The following INTU variants were observed in gnomAD, a reference collection of about 807,000 sequenced individuals.
INTU encodes protein inturned.
INTU carries 68 observed loss-of-function variants against 100.5 expected under a neutral mutation model. That is an observed-to-expected ratio of 0.68 (90% CI 0.56 to 0.83). The LOEUF (loss-of-function observed/expected upper bound fraction) is 0.83. INTU is among the 40% of genes least tolerant of loss of function. The probability of loss-of-function intolerance (pLI) is 0.00; values close to 1 mark genes in which losing one functional copy is unlikely to be tolerated. For missense variants in INTU, 1,071 were observed against 1,114.7 expected, an observed-to-expected ratio of 0.96 and a Z score of 0.56; for synonymous variants, 357 against 395.7, an observed-to-expected ratio of 0.90 and a Z score of 1.16.
intron 6 of INTU, chr4:127,675,889 C>A (rs781048785): frequency 6.5e-6 from 2 of 306,904 alleles, no homozygotes; most frequent in South Asian, 2.7e-5. Context: ...CTAATTTCCA[C>A]CATTCTGTTT....
intron 6 of INTU, among the ~76,000 whole-genome samples, chr4:127,682,002 A>G (rs947229796): frequency 2.0e-5 from 3 of 151,152 alleles, no homozygotes; most frequent in African/African-American, 7.4e-5. Context: ...CACATGAAAA[A>G]ATGCTCATCA....
chr4:127,704,389 T>A, intron 10 of INTU, 99 bp downstream of exon 10: 1 of 911,676 alleles, frequency 1.1e-6, no homozygotes, highest in South Asian at 1.6e-5. Context: ...ATCTCTTTTC[T>A]TTCAAATGTA....
In INTU at chr4:127,706,786, T is replaced by A; in HGVS notation, c.2088T>A (p.Leu696=). The part of the protein sequence containing the change: ...VATSPTCRRT[L]FGDYSLKTRK... ...CTTCTCCAACATGCAGAAGAACGCT[T>A]TTTGGTGACTATTCCTTAAAGACAC... is the stretch of plus-strand genomic sequence containing the variant. The change falls in exon 12 of 16, where the codon CTT becomes CTA. Residue 696 remains leucine, a synonymous_variant. Transcript: ENST00000335251. 1 of 1,614,108 alleles carries A rather than the reference T, an allele frequency of 6.2e-7. No individual in the cohort carries two copies. The highest frequency in any genetic ancestry group is 1.7e-4 in the Middle Eastern group (1 of 6,060).
chr4:127,668,509 T>G (rs1006416862), intron 4 of INTU, among the ~76,000 whole-genome samples: 2 of 151,858 alleles, frequency 1.3e-5, no homozygotes, highest in African/African-American at 4.8e-5. Flanking sequence ...TAGTTCTGTA[T>G]TCTCACTTTG....
At chr4:127,688,583 G>A (rs1729942927) in intron 8 of INTU, among the ~76,000 whole-genome samples, 1 of 152,132 alleles carries the variant, frequency 6.6e-6, no homozygotes, top group African/African-American at 2.4e-5. Context: ...CCTAATTCAA[G>A]TTCCTACTCT....
At chr4:127,658,575 C>A (rs1225256732) in intron 3 of INTU, among the ~76,000 whole-genome samples, 1 of 152,148 alleles carries the variant, frequency 6.6e-6, no homozygotes, top group Non-Finnish European at 1.5e-5. Context: ...AGTGAGGGAT[C>A]CCCTTTTCTT....
chr4:127,687,042 C>A (rs1578603226), intron 7 of INTU: 1 of 152,048 alleles, frequency 6.6e-6, no homozygotes, highest in Admixed American at 6.6e-5. Flanking sequence ...TAATGTTATA[C>A]CTTCAGTAGT....
chr4:127,714,639 T>G (rs1731202500), intron 15 of INTU, among the ~76,000 whole-genome samples: 1 of 152,220 alleles, frequency 6.6e-6, no homozygotes, highest in Admixed American at 6.5e-5. Flanking sequence ...GGTCATCTTG[T>G]CAGAGACGAT....
At chr4:127,695,422 A>T (rs1036737539) in intron 8 of INTU, among the ~76,000 whole-genome samples, 4 of 152,128 alleles carry the variant, frequency 2.6e-5, no homozygotes, top group African/African-American at 9.7e-5. Context: ...CCTGGCCAAC[A>T]TTGTGAAACC....
intron 8 of INTU, among the ~76,000 whole-genome samples, chr4:127,697,435 C>T (rs1730442133): frequency 6.6e-6 from 1 of 151,982 alleles, no homozygotes. Flanking sequence ...TATCCTTTGA[C>T]CAACATTTCC....
In INTU at chr4:127,663,598, A is replaced by G. The variant is rs559230860; in HGVS notation, c.972+14A>G. The stretch of plus-strand genomic sequence containing the variant: ...TCAAAGGAAGAGGTGAGTGTCCTCA[A>G]AAGTCCAAAGGAAATAAGTTTAGTC... On this transcript the variant is annotated intron_variant, in intron 4 of 15. Coordinates refer to ENST00000335251, the MANE Select transcript of INTU (RefSeq NM_015693.4). 1.0e-5 allele frequency: 16 copies of G among 1,607,792 alleles called. No individual in the cohort carries two copies. Among genetic ancestry groups the G allele is most frequent in the Non-Finnish European group, 1.2e-5 (14 of 1,175,496 alleles).
At chr4:127,673,191 T>C (rs76085972) in intron 5 of INTU, among the ~76,000 whole-genome samples, 2,661 of 152,194 alleles carry the variant, frequency 0.017, 69 homozygotes, top group African/African-American at 0.06. Context: ...TTTTGTTTTG[T>C]TTTTGAGACA....
intron 8 of INTU, among the ~76,000 whole-genome samples, chr4:127,689,038 A>C (rs1235841768): frequency 6.3e-5 from 8 of 127,798 alleles, no homozygotes; most frequent in Non-Finnish European, 9.3e-5. Flanking sequence ...GTGGGAGTGC[A>C]GTGGCATGAT....
In INTU at chr4:127,691,962, G is replaced by GTGTATATATA; in HGVS notation, c.1449+4096_1449+4097insGTATATATAT. Among the ~76,000 whole-genome samples the GTGTATATATA allele has an allele frequency of 1.8e-3, 176 of 98,238 alleles. 26 individuals are homozygous for GTGTATATATA. The highest frequency in any genetic ancestry group is 0.01 in the South Asian group (25 of 2,482). The allele number at this position is 98,238 out of a possible 152,430, so 64.4% of individuals were successfully genotyped here. A position where few individuals can be genotyped will look rare whatever the true frequency, so the allele number is the denominator to read the frequency against. On this transcript the variant is annotated intron_variant, in intron 8 of 15. Transcript: ENST00000335251. ...GGCGGAGTATAGTGTTCCATGGTAT[G>GTGTATATATA]TATATATATATATATATATGTCACA...
chr4:127,656,213 G>A (rs1201013154), intron 2 of INTU, among the ~76,000 whole-genome samples: 1 of 152,098 alleles, frequency 6.6e-6, no homozygotes, highest in Non-Finnish European at 1.5e-5. Context: ...GCTGTAGACG[G>A]GAGCTGTTCC....
chr4:127,639,565 T>C (rs1021884063), intron 1 of INTU, among the ~76,000 whole-genome samples: 3 of 152,112 alleles, frequency 2.0e-5, no homozygotes, highest in African/African-American at 7.2e-5. Context: ...GAAGAACTAG[T>C]TTGGGACAAC....
At chr4:127,659,208 A>G (rs2126196158) in intron 3 of INTU, among the ~76,000 whole-genome samples, 1 of 152,132 alleles carries the variant, frequency 6.6e-6, no homozygotes, top group East Asian at 1.9e-4. Context: ...GTACCTGTCC[A>G]TGGCCTGTAA....
Position 127,704,259 on chromosome 4 carries a change from A to G in INTU, c.1535A>G (p.Tyr512Cys). The change falls in exon 10 of 16, where the codon TAT becomes TGT. Residue 512 changes from tyrosine to cysteine, a missense_variant. Tyr to Cys is a radical substitution (Grantham distance 194). Transcript: ENST00000335251. ...SEDYYDMRRL[Y>C]TILGSSLFYK... is the part of the protein sequence containing the mutation. ...GATTACTATGACATGAGGCGGCTGT[A>G]TACAATTTTGGGGTCTTCTCTATTT... The G allele has an allele frequency of 6.2e-7, 1 of 1,611,152 alleles. No homozygotes were observed. The highest frequency in any genetic ancestry group is 8.5e-7 in the Non-Finnish European group (1 of 1,178,376).
chr4:127,690,798 CCCA>C (rs1730083029), intron 8 of INTU, among the ~76,000 whole-genome samples: 1 of 152,076 alleles, frequency 6.6e-6, no homozygotes. Flanking sequence ...ATCAACATTC[CCCA>C]CCACAGGGGT....
Sources: gnomAD v4.1 joint callset for allele counts (sites outside exome capture counted in the v4.1 genomes callset) on GRCh38, gnomAD v4.1.1 for gene constraint, MANE v1.5 for transcripts, NCBI Gene and HGNC (gene_info 2026-07-23, HGNC 2026-07-21) for gene names.